The following TMC5 variants were observed in gnomAD, a reference collection of about 807,000 sequenced individuals.
The protein encoded by TMC5 is transmembrane channel like 5, also known as transmembrane channel-like protein 5.
In TMC5, 86 loss-of-function variants were observed where a neutral mutation model predicts 110.5. That is an observed-to-expected ratio of 0.78 (90% CI 0.65 to 0.93). TMC5 has a LOEUF of 0.93. Among genes scored for constraint, TMC5 ranks in the 40% least tolerant of loss-of-function variants. TMC5 has a pLI of 0.00. For missense variants in TMC5, 1,144 were observed against 1,222.8 expected (o/e 0.94, Z 0.96); for synonymous variants, 455 against 439.5 (o/e 1.04, Z -0.44).
In TMC5 at chr16:19,456,572, A is replaced by G. The variant is rs1031375266; in HGVS notation, c.1049-3663A>G. 5.5e-6 allele frequency: 8 copies of G among 1,446,238 alleles called. No individual in the cohort carries two copies. In the African/African-American group the frequency reaches 7.1e-5, roughly 13 times the overall value. The allele number at this position is 1,446,238 out of a possible 1,614,324, so 89.6% of individuals were successfully genotyped here. ...GTGAGCTCATCCTGGCATTTTAAAAATAATGTGAATGGTGTATCCCTTTGT... is the reference window on the plus strand; with the variant it reads ...GTGAGCTCATCCTGGCATTTTAAAAGTAATGTGAATGGTGTATCCCTTTGT... On this transcript the variant is annotated intron_variant, in intron 5 of 21. Transcript: ENST00000542583.
chr16:19,444,360 C>A, intron 4 of TMC5, 110 bp downstream of exon 4: 4 of 974,950 alleles, frequency 4.1e-6, no homozygotes, highest in South Asian at 1.8e-5. Flanking sequence ...TGTATCCTTC[C>A]AATCTCAGAG....
intron 13 of TMC5, among the ~76,000 whole-genome samples, chr16:19,478,262 C>G (rs1272450827): frequency 1.3e-5 from 2 of 152,196 alleles, no homozygotes; most frequent in African/African-American, 4.8e-5. Context: ...GAAGTAGAGT[C>G]AGGAATCAGG....
At position 19,440,052 on chromosome 16, in the gene TMC5, A is replaced by T. The variant is rs566556735; in HGVS notation, c.14A>T (p.Tyr5Phe). 3.7e-6 allele frequency: 6 copies of T among 1,613,348 alleles called. No homozygotes were observed. The highest frequency in any genetic ancestry group is 1.7e-4 in the Middle Eastern group (1 of 5,986). Residue 5 changes from tyrosine to phenylalanine, a missense_variant, in exon 3 of 22, where the codon TAC (tyrosine) becomes TTC (phenylalanine). Tyr to Phe is a conservative substitution (Grantham distance 22). Coordinates refer to ENST00000542583, the MANE Select transcript of TMC5 (RefSeq NM_001261841.2). The part of the protein sequence containing the change: MSAY[Y>F]RNNWSEEDPD... ...GTCCATACCAACATGTCTGCCTACT[A>T]CAGGAATAACTGGTCTGAGGAAGAC...
intron 2 of TMC5, among the ~76,000 whole-genome samples, chr16:19,434,902 C>G (rs1194588245): frequency 1.3e-5 from 2 of 152,050 alleles, no homozygotes; most frequent in African/African-American, 4.8e-5. Flanking sequence ...GTCCACACAG[C>G]CAGCAAACGG....
Position 19,469,681 on chromosome 16 carries a change from C to T in TMC5, c.1638C>T (p.Ser546=), listed in dbSNP as rs1423574089. The T allele has an allele frequency of 6.2e-7, 1 of 1,613,932 alleles. No homozygotes were observed. Among genetic ancestry groups the T allele is most frequent in the Non-Finnish European group, 8.5e-7 (1 of 1,179,854 alleles). The change falls in exon 10 of 22, where the codon AGC becomes AGT. Residue 546 remains serine, a splice_region_variant and synonymous_variant. Transcript: ENST00000542583. ...GTGTTCTGCTTTCTGCCTTCTCTAG[C>T]ATGGCCAAGTATTTCCGGAACAACT... is the stretch of plus-strand genomic sequence containing the variant. The part of the protein sequence containing the change: ...LTTCFFSLLF[S]MAKYFRNNFI...
At chr16:19,448,149 C>CAAA (rs36050231) in intron 4 of TMC5, among the ~76,000 whole-genome samples, 2 of 76,432 alleles carry the variant, frequency 2.6e-5, no homozygotes, top group Non-Finnish European at 3.1e-5. Flanking sequence ...GAGCAAGTCT[C>CAAA]AAAAAAAAAA....
rs62026177 is a variant in TMC5, at chr16:19,484,142, T to C, written c.2363+2677T>C. On this transcript the variant is annotated intron_variant, in intron 15 of 21. Coordinates refer to ENST00000542583, the MANE Select transcript of TMC5 (RefSeq NM_001261841.2). ...TCATGTTGAGGATTAAATGCCATGG[T>C]AAATGAAAACGCTTTGCAAACACCA... 6.3e-3 allele frequency among the ~76,000 whole-genome samples: 959 copies of C among 151,692 alleles called. 7 individuals carry two copies. Among genetic ancestry groups the C allele is most frequent in the Middle Eastern group, 0.01 (3 of 290 alleles).
chr16:19,444,710 T>G (rs1967573315), intron 4 of TMC5, among the ~76,000 whole-genome samples: 1 of 152,218 alleles, frequency 6.6e-6, no homozygotes, highest in South Asian at 2.1e-4. Flanking sequence ...TAGTTTAGCA[T>G]ATCCTAAAGG....
chr16:19,442,182 T>A (rs1597173383), intron 3 of TMC5, among the ~76,000 whole-genome samples: 1 of 152,196 alleles, frequency 6.6e-6, no homozygotes. Context: ...AAGATTTTGA[T>A]CTTCTGTCAA....
intron 9 of TMC5, among the ~76,000 whole-genome samples, chr16:19,467,856 A>G (rs1968229127): frequency 6.6e-6 from 1 of 152,166 alleles, no homozygotes; most frequent in Non-Finnish European, 1.5e-5. Flanking sequence ...GGACTTCAAC[A>G]TACGAATTTT....
chr16:19,425,966 C>T (rs1200024453), intron 1 of TMC5, among the ~76,000 whole-genome samples: 1 of 152,218 alleles, frequency 6.6e-6, no homozygotes, highest in Non-Finnish European at 1.5e-5. Flanking sequence ...GGATTACAGG[C>T]GTGAGCCACC....
chr16:19,452,317 A>G (rs979993973), intron 5 of TMC5, among the ~76,000 whole-genome samples: 5 of 152,224 alleles, frequency 3.3e-5, no homozygotes, highest in Admixed American at 3.3e-4. Flanking sequence ...GCCACCCTCC[A>G]GGAACCTCCC....
At chr16:19,471,318 T>TG (rs1968336277) in intron 10 of TMC5, among the ~76,000 whole-genome samples, 1 of 152,016 alleles carries the variant, frequency 6.6e-6, no homozygotes, top group Non-Finnish European at 1.5e-5. Flanking sequence ...CTTGAACTCC[T>TG]GGGCTCAAGT....
chr16:19,488,948 T>A (rs1305104064), intron 17 of TMC5, among the ~76,000 whole-genome samples: 3 of 152,078 alleles, frequency 2.0e-5, no homozygotes, highest in African/African-American at 7.2e-5. Flanking sequence ...ACAAGGGAGA[T>A]GATTTTTAGG....
Position 19,440,138 on chromosome 16 carries a change from G to C in TMC5, c.100G>C (p.Gly34Arg), listed in dbSNP as rs781296966. The C allele has an allele frequency of 3.1e-6, 5 of 1,614,048 alleles. No individual in the cohort carries two copies. Among genetic ancestry groups the C allele is most frequent in the East Asian group, 2.2e-5 (1 of 44,882 alleles). ...NRTQGYLKTQ[G>R]YPDVPGPLNN... ...TACGCAGGGGTATTTGAAAACTCAA[G>C]GTTATCCAGATGTTCCAGGTCCTCT... is the stretch of plus-strand genomic sequence containing the variant. The change falls in exon 3 of 22, where the codon GGT (glycine) becomes CGT (arginine). Residue 34 changes from glycine (G) to arginine (R), a missense_variant. Coordinates refer to ENST00000542583, the MANE Select transcript of TMC5 (RefSeq NM_001261841.2).
chr16:19,419,451 C>G (rs1196264341), intron 1 of TMC5, among the ~76,000 whole-genome samples: 9 of 107,066 alleles, frequency 8.4e-5, no homozygotes, highest in Non-Finnish European at 1.5e-4. Context: ...CTTGCTCTGT[C>G]GCTCAGGCTG....
At position 19,466,243 on chromosome 16, in the gene TMC5, C is replaced by A; in HGVS notation, c.1637+10C>A. 1 of 1,612,026 alleles carries A rather than the reference C, an allele frequency of 6.2e-7. No individual in the cohort carries two copies. The highest frequency in any genetic ancestry group is 8.5e-7 in the Non-Finnish European group (1 of 1,179,330). On this transcript the variant is annotated intron_variant, in intron 9 of 21. Transcript: ENST00000542583. ...TCAGTTTGCTGTTCAGGTATGGAAG[C>A]ATCTACATTTCCTGATTCTGAGGGT...
intron 1 of TMC5, among the ~76,000 whole-genome samples, chr16:19,424,890 G>T (rs1185399544): frequency 6.6e-6 from 1 of 152,168 alleles, no homozygotes; most frequent in Non-Finnish European, 1.5e-5. Context: ...TGGAGGATGA[G>T]GGGCAAGGCC....
At chr16:19,475,424 A>G (rs1294985618) in intron 12 of TMC5, among the ~76,000 whole-genome samples, 1 of 132,714 alleles carries the variant, frequency 7.5e-6, no homozygotes, top group Non-Finnish European at 1.7e-5. Flanking sequence ...TCCATCTCAG[A>G]AAAAAAAAAA....
Sources: gnomAD v4.1 joint callset for allele counts (sites outside exome capture counted in the v4.1 genomes callset) on GRCh38, gnomAD v4.1.1 for gene constraint, MANE v1.5 for transcripts, NCBI Gene and HGNC (gene_info 2026-07-23, HGNC 2026-07-21) for gene names.